The following IFT122 variants were observed in gnomAD, a reference collection of about 807,000 sequenced individuals.
IFT122 encodes the protein intraflagellar transport 122.
A neutral mutation model predicts 161.6 loss-of-function variants in IFT122; 118 were observed. The ratio of observed to expected loss-of-function variants is 0.73; its 90% CI spans 0.63 to 0.85. The LOEUF is 0.85. Ranked by LOEUF, IFT122 falls within the 40% of genes least tolerant of loss-of-function variation. The pLI is 0.00. For synonymous variants in IFT122, 550 were observed against 602.4 expected, an observed-to-expected ratio of 0.91 and a Z score of 1.27; for missense variants, 1,381 against 1,579.6, an observed-to-expected ratio of 0.87 and a Z score of 2.13.
In IFT122 at chr3:129,458,476, A is replaced by G. The variant is rs1376587251; in HGVS notation, c.194-123A>G. On this transcript the variant is annotated intron_variant, in intron 3 of 29. Transcript: ENST00000348417. ...CAAGGTCCTGCCTCCCAGTACTGAT[A>G]AGAACTAGGAAAGAAGCTAACACTT... 8.7e-5 allele frequency: 73 copies of G among 838,890 alleles called. 1 individual carries two copies. In the South Asian group the frequency reaches 9.0e-4, roughly 10 times the overall value. 52.0% of individuals were successfully genotyped at this position (838,890 alleles called of 1,614,324 possible).
At position 129,506,398 on chromosome 3, in the gene IFT122, C is replaced by G. The variant is rs1190669641; in HGVS notation, c.2651-11C>G. On this transcript the variant is annotated splice_polypyrimidine_tract_variant and intron_variant, in intron 21 of 29. Coordinates refer to ENST00000348417, the MANE Select transcript of IFT122 (RefSeq NM_052989.3). ...GCATGTGCTTTTTTCCTCCCTCCAC[C>G]ACTCCTACAGCGTTCCACAAGGCTG... 6.2e-7 allele frequency: 1 copy of G among 1,613,256 alleles called. No homozygotes were observed. The highest frequency in any genetic ancestry group is 1.7e-5 in the Admixed American group (1 of 59,996).
At chr3:129,484,073 GA>G (rs1409833006) in intron 15 of IFT122, among the ~76,000 whole-genome samples, 2 of 151,942 alleles carry the variant, frequency 1.3e-5, no homozygotes, top group African/African-American at 4.8e-5. Flanking sequence ...GTGTGAGAGA[GA>G]GGGGAGAGAG....
chr3:129,447,790 C>T (rs2074212531), intron 1 of IFT122, among the ~76,000 whole-genome samples: 1 of 152,186 alleles, frequency 6.6e-6, no homozygotes, highest in African/African-American at 2.4e-5. Flanking sequence ...GGATTACAGG[C>T]ATGAGCACCG....
In IFT122 at chr3:129,520,439, T is replaced by C. The variant is rs2084611039; in HGVS notation, c.*174T>C. The C allele has an allele frequency of 1.5e-6, 1 of 674,446 alleles. No homozygotes were observed. Among genetic ancestry groups the C allele is most frequent in the African/African-American group, 1.8e-5 (1 of 56,582 alleles). The allele number at this position is 674,446 out of a possible 1,614,324, so 41.8% of individuals were successfully genotyped here. A position where few individuals can be genotyped will look rare whatever the true frequency, so the allele number is the denominator to read the frequency against. Reference sequence around the variant, plus strand: ...CCTATTTATGGCATTTCATGCCTTGTAAATAGCACCAGGAGATGAGGAAGA... The same window carrying C: ...CCTATTTATGGCATTTCATGCCTTGCAAATAGCACCAGGAGATGAGGAAGA... On this transcript the variant is annotated 3_prime_UTR_variant, in exon 30 of 30. Transcript: ENST00000348417.
rs781375120 is a variant in IFT122, at chr3:129,481,671, G to A, written c.1630G>A (p.Asp544Asn). 1.1e-5 allele frequency: 18 copies of A among 1,613,972 alleles called. No homozygotes were observed. Among genetic ancestry groups the A allele is most frequent in the East Asian group, 6.7e-5 (3 of 44,874 alleles). Residue 544 changes from aspartate to asparagine, a missense_variant, in exon 14 of 30, where the codon GAC becomes AAC. This residue lies in a region of IFT122 where 544 missense variants were observed against 648.0 expected (regional missense o/e 0.84). Coordinates refer to ENST00000348417, the MANE Select transcript of IFT122 (RefSeq NM_052989.3). ...ENDTCLVYDIDTKELLFQEPN... is the reference protein window; with the variant it reads ...ENDTCLVYDINTKELLFQEPN... The stretch of plus-strand genomic sequence containing the variant: ...TGACACTTGCCTGGTGTATGACATC[G>A]ACACCAAGGAGCTGCTTTTTCAGGT...
chr3:129,460,031 C>A (rs932800999), intron 4 of IFT122, among the ~76,000 whole-genome samples: 1 of 151,760 alleles, frequency 6.6e-6, no homozygotes, highest in African/African-American at 2.4e-5. Context: ...ATTACAGATA[C>A]GAGCCACTGC....
chr3:129,474,586 A>G (rs1038728459), intron 9 of IFT122, among the ~76,000 whole-genome samples: 1 of 152,114 alleles, frequency 6.6e-6, no homozygotes, highest in Non-Finnish European at 1.5e-5. Context: ...TGGCAGACAA[A>G]GTGAGGGAAA....
At position 129,459,718 on chromosome 3, in the gene IFT122, TTCCTTCCTTCCC is replaced by T. The variant is rs1456401197; in HGVS notation, c.272+1045_272+1056del. Among the ~76,000 whole-genome samples, 13 of 88,444 alleles carry T rather than the reference TTCCTTCCTTCCC, an allele frequency of 1.5e-4. 1 individual carries two copies. Among genetic ancestry groups the T allele is most frequent in the African/African-American group, 7.3e-4 (12 of 16,472 alleles). 58.0% of individuals were successfully genotyped at this position (88,444 alleles called of 152,430 possible). A position where few individuals can be genotyped will look rare whatever the true frequency, so the allele number is the denominator to read the frequency against. The stretch of plus-strand genomic sequence containing the variant: ...CTTCCTTCCTTCCTTCCTTCCTTCC[TTCCTTCCTTCCC>T]TCCCTCCCTCCCTTCTTCCTTCCTT... On this transcript the variant is annotated intron_variant, in intron 4 of 29. Transcript: ENST00000348417.
At chr3:129,451,258 C>T (rs2074806368) in intron 2 of IFT122, among the ~76,000 whole-genome samples, 1 of 152,002 alleles carries the variant, frequency 6.6e-6, no homozygotes, top group South Asian at 2.1e-4. Context: ...ACCACCTCGT[C>T]CACCTAATTT....
intron 15 of IFT122, among the ~76,000 whole-genome samples, chr3:129,484,434 G>A (rs554000035): frequency 6.6e-6 from 1 of 152,274 alleles, no homozygotes; most frequent in Admixed American, 6.5e-5. Context: ...TTTTCTACGT[G>A]TATATATAAT....
intron 8 of IFT122, 113 bp downstream of exon 8, chr3:129,467,179 A>T: frequency 1.0e-6 from 1 of 979,710 alleles, no homozygotes; most frequent in Non-Finnish European, 1.6e-6. Context: ...ACTAGGGGGA[A>T]CTGTGGGTGA....
At chr3:129,490,830 C>T (rs1220031600) in intron 16 of IFT122, among the ~76,000 whole-genome samples, 3 of 152,182 alleles carry the variant, frequency 2.0e-5, no homozygotes, top group Non-Finnish European at 4.4e-5. Context: ...TGTTCCTTGG[C>T]CCATGTGATG....
chr3:129,445,449 T>C (rs888919164), intron 1 of IFT122, among the ~76,000 whole-genome samples: 8 of 152,256 alleles, frequency 5.3e-5, no homozygotes, highest in African/African-American at 1.7e-4. Flanking sequence ...AGTTTTCTCA[T>C]CTGTGAAACA....
chr3:129,457,067 G>A (rs561441986), intron 3 of IFT122, among the ~76,000 whole-genome samples: 1 of 152,178 alleles, frequency 6.6e-6, no homozygotes, highest in Non-Finnish European at 1.5e-5. Flanking sequence ...TGTGAATAAA[G>A]TCTAAAAGTC....
intron 26 of IFT122, among the ~76,000 whole-genome samples, chr3:129,516,694 G>GCGCGCACACACACA (rs1243629398): frequency 2.0e-5 from 1 of 50,184 alleles, no homozygotes; most frequent in African/African-American, 1.1e-4. Context: ...GATTGCTCCT[G>GCGCGCACACACACA]CACACACACA....
intron 3 of IFT122, among the ~76,000 whole-genome samples, chr3:129,455,594 A>G (rs987681496): frequency 2.0e-5 from 3 of 152,250 alleles, no homozygotes; most frequent in African/African-American, 7.2e-5. Flanking sequence ...TTTTAATTCT[A>G]TTCCAGGCCC....
At chr3:129,502,637 A>T (rs2081710247) in intron 19 of IFT122, 74 bp from the exon 20 acceptor site, 1 of 1,553,042 alleles carries the variant, frequency 6.4e-7, no homozygotes, top group Admixed American at 1.7e-5. Context: ...TGGGGACCAC[A>T]GAATGAATGG....
intron 18 of IFT122, among the ~76,000 whole-genome samples, chr3:129,498,176 C>T (rs2081112748): frequency 6.6e-6 from 1 of 152,228 alleles, no homozygotes; most frequent in Non-Finnish European, 1.5e-5. Context: ...CTTTTAGACC[C>T]AGCTTCAATG....
Position 129,506,433 on chromosome 3 carries a change from G to C in IFT122, c.2675G>C (p.Arg892Thr), listed in dbSNP as rs758473452. ...QKAFHKAGRQ[R>T]EAVQVLEQLT... ...GCGTTCCACAAGGCTGGGCGACAGA[G>C]AGAAGCGGTCCAGGTGCTGGAGCAG... Residue 892 changes from arginine to threonine, a missense_variant, in exon 22 of 30, where the codon AGA (arginine) becomes ACA (threonine). Coordinates refer to ENST00000348417, the MANE Select transcript of IFT122 (RefSeq NM_052989.3). The C allele has an allele frequency of 1.2e-6, 2 of 1,613,918 alleles. No homozygotes were observed. Among genetic ancestry groups the C allele is most frequent in the Admixed American group, 1.7e-5 (1 of 60,006 alleles).
Sources: gnomAD v4.1 joint callset for allele counts (sites outside exome capture counted in the v4.1 genomes callset) on GRCh38, gnomAD v4.1.1 for gene constraint, gnomAD v4.1.1 regional missense constraint, MANE v1.5 for transcripts, NCBI Gene and HGNC (gene_info 2026-07-23, HGNC 2026-07-21) for gene names.